PHF2: variants seen among roughly 807,000 people sequenced by gnomAD.
PHF2 encodes the protein lysine-specific demethylase PHF2.
A neutral mutation model predicts 120.5 loss-of-function variants in PHF2; 27 were observed. The observed-to-expected ratio is 0.22, with a 90% CI of 0.17 to 0.31. The LOEUF (loss-of-function observed/expected upper bound fraction) is 0.31. Ranked by LOEUF, PHF2 falls within the 10% of genes least tolerant of loss-of-function variation. The pLI is 1.00. For synonymous variants in PHF2, 568 were observed against 592.5 expected (o/e 0.96, Z 0.60); for missense variants, 1,024 against 1,434.8 (o/e 0.71, Z 4.63).
Position 93,673,737 on chromosome 9 carries a change from G to A in PHF2, c.2501G>A (p.Gly834Glu). Residue 834 changes from glycine (G) to glutamate (E), a missense_variant, in exon 18 of 22, where the codon GGG becomes GAG. Coordinates refer to ENST00000359246, the MANE Select transcript of PHF2 (RefSeq NM_005392.4). ...SLAAHGARKN[G>E]GGSGKSAGKR... ...GCTGCCCATGGTGCCCGGAAGAATG[G>A]GGGTGGCAGTGGCAAGAGTGCAGGC... is the stretch of plus-strand genomic sequence containing the variant. 1.9e-6 allele frequency: 3 copies of A among 1,613,420 alleles called. No individual in the cohort carries two copies. Among genetic ancestry groups the A allele is most frequent in the Non-Finnish European group, 2.5e-6 (3 of 1,179,786 alleles).
chr9:93,673,901 G>A (rs1826857246), intron 18 of PHF2, 39 bp downstream of exon 18: 1 of 1,517,500 alleles, frequency 6.6e-7, no homozygotes, highest in African/African-American at 1.4e-5. Flanking sequence ...CCCATGCTCA[G>A]CCCTAGAAGG....
chr9:93,585,980 G>A (rs1269310080), intron 1 of PHF2, among the ~76,000 whole-genome samples: 1 of 152,246 alleles, frequency 6.6e-6, no homozygotes, highest in Non-Finnish European at 1.5e-5. Context: ...TTTTGCTGGA[G>A]CAATGGTGCA....
Position 93,576,845 on chromosome 9 carries a change from C to A in PHF2, c.72C>A (p.Asp24Glu). The change falls in exon 1 of 22, where the codon GAC becomes GAA. Residue 24 changes from aspartate (D) to glutamate (E), a missense_variant. Physicochemically the swap from Asp to Glu is conservative, Grantham distance 45. This residue lies in a region of PHF2 where 347 missense variants were observed against 577.4 expected (regional missense o/e 0.60). Transcript: ENST00000359246. ...YDVTRFMIEC[D>E]ACKDWFHGSC... Reference sequence around the variant, plus strand: ...TTACCCGCTTCATGATCGAGTGCGACGCCTGCAAGGACTGGTTCCACGGCA... The same window carrying A: ...TTACCCGCTTCATGATCGAGTGCGAAGCCTGCAAGGACTGGTTCCACGGCA... 7.8e-7 allele frequency: 1 copy of A among 1,284,290 alleles called. No homozygotes were observed. Among genetic ancestry groups the A allele is most frequent in the Admixed American group, 2.3e-5 (1 of 44,182 alleles). The allele number at this position is 1,284,290 out of a possible 1,614,324, so 79.6% of individuals were successfully genotyped here. A position where few individuals can be genotyped will look rare whatever the true frequency, so the allele number is the denominator to read the frequency against.
intron 6 of PHF2, among the ~76,000 whole-genome samples, chr9:93,653,864 G>A (rs1480247592): frequency 6.6e-6 from 1 of 152,154 alleles, no homozygotes; most frequent in East Asian, 1.9e-4. Flanking sequence ...TGCTAACTGA[G>A]CTTCTTCAGA....
intron 1 of PHF2, among the ~76,000 whole-genome samples, chr9:93,605,094 C>T (rs1041528184): frequency 3.9e-5 from 6 of 152,218 alleles, no homozygotes; most frequent in African/African-American, 1.4e-4. Context: ...TCCCCGATTT[C>T]CCCATTCATA....
At chr9:93,650,605 G>T (rs542631037) in intron 5 of PHF2, among the ~76,000 whole-genome samples, 72 of 152,156 alleles carry the variant, frequency 4.7e-4, no homozygotes, top group Admixed American at 2.7e-3. Flanking sequence ...CTCTGTCAGG[G>T]CTGACCTACA....
intron 1 of PHF2, among the ~76,000 whole-genome samples, chr9:93,599,421 G>A (rs574589546): frequency 3.5e-4 from 53 of 152,312 alleles, no homozygotes; most frequent in Non-Finnish European, 1.0e-4. Flanking sequence ...CAAGAAGTGG[G>A]ACCCCATTGG....
intron 1 of PHF2, among the ~76,000 whole-genome samples, chr9:93,603,634 A>G (rs1825485859): frequency 6.6e-6 from 1 of 152,174 alleles, no homozygotes; most frequent in South Asian, 2.1e-4. Flanking sequence ...CTGCAGATTC[A>G]AGGGGGATCT....
chr9:93,612,275 G>A (rs534790682), intron 1 of PHF2, among the ~76,000 whole-genome samples: 1 of 152,314 alleles, frequency 6.6e-6, no homozygotes, highest in Admixed American at 6.5e-5. Context: ...TGTAACAGGT[G>A]TCTGTGTCTA....
At chr9:93,614,116 T>G (rs2250344) in intron 1 of PHF2, among the ~76,000 whole-genome samples, 1 of 152,118 alleles carries the variant, frequency 6.6e-6, no homozygotes, top group African/African-American at 2.4e-5. Context: ...CCCTCTACCT[T>G]AGACCATGGC....
intron 12 of PHF2, among the ~76,000 whole-genome samples, chr9:93,662,421 GA>G (rs915299729): frequency 6.6e-6 from 1 of 151,606 alleles, no homozygotes; most frequent in African/African-American, 2.4e-5. Context: ...AAGGATAGAT[GA>G]AAAAATGGAT....
In PHF2 at chr9:93,589,977, C is replaced by A. The variant is rs147383517; in HGVS notation, c.98+13106C>A. Among the ~76,000 whole-genome samples the A allele has an allele frequency of 3.5e-3, 532 of 152,346 alleles. 2 individuals are homozygous for A. Among genetic ancestry groups the A allele is most frequent in the Non-Finnish European group, 4.8e-3 (325 of 68,028 alleles). On this transcript the variant is annotated intron_variant, in intron 1 of 21. Coordinates refer to ENST00000359246, the MANE Select transcript of PHF2 (RefSeq NM_005392.4). ...TGCTTCCCCTGGTTGGCATGTAGCTCATTTCTCATCCGAGGCCACTGCGGT... is the reference window on the plus strand; with the variant it reads ...TGCTTCCCCTGGTTGGCATGTAGCTAATTTCTCATCCGAGGCCACTGCGGT...
In PHF2 at chr9:93,656,455, A is replaced by G. The variant is rs143194843; in HGVS notation, c.1041-34A>G. ...GCCCAGCGTCGCCTGCTTGATGGTC[A>G]GTGCACTGAGAACTGCTCTTTGGTG... On this transcript the variant is annotated intron_variant, in intron 8 of 21. Transcript: ENST00000359246. This position sits in a 1 kb window ranked among gnomAD's most constrained non-coding sequence, Gnocchi z 4.1. 1.9e-3 allele frequency: 2,645 copies of G among 1,428,388 alleles called. 15 individuals carry two copies. Among genetic ancestry groups the G allele is most frequent in the Middle Eastern group, 1.0e-2 (57 of 5,708 alleles). The allele number at this position is 1,428,388 out of a possible 1,614,324, so 88.5% of individuals were successfully genotyped here.
chr9:93,677,327 A>G lies in PHF2; in HGVS notation c.3203-261A>G, dbSNP rs1433754137. On this transcript the variant is annotated intron_variant, in intron 21 of 21. Coordinates refer to ENST00000359246, the MANE Select transcript of PHF2 (RefSeq NM_005392.4). The surrounding 1 kb of genome is among the most constrained non-coding windows in gnomAD (Gnocchi z 4.4). Reference sequence around the variant, plus strand: ...GCCCAGGCATCCTCATGTCCTCCTCATAATGCCATCCCCAAGCCCATGTCC... The same window carrying G: ...GCCCAGGCATCCTCATGTCCTCCTCGTAATGCCATCCCCAAGCCCATGTCC... Among the ~76,000 whole-genome samples, 1 of 151,384 alleles carries G rather than the reference A, an allele frequency of 6.6e-6. No homozygotes were observed. The highest frequency in any genetic ancestry group is 2.0e-4 in the East Asian group (1 of 5,060).
Position 93,676,821 on chromosome 9 carries a change from C to T in PHF2, c.3060C>T (p.Ser1020=). 6.4e-7 allele frequency: 1 copy of T among 1,556,456 alleles called. No individual in the cohort carries two copies. The highest frequency in any genetic ancestry group is 8.7e-7 in the Non-Finnish European group (1 of 1,149,730). Residue 1020 remains serine, a synonymous_variant, in exon 21 of 22, where the codon AGC becomes AGT. Transcript: ENST00000359246. ...CCCCGCCTGAGTCGCATAGCAGCAG[C>T]CTGGCGGACCATGAGTACACAGCCG... is the stretch of plus-strand genomic sequence containing the variant. The part of the protein sequence containing the change: ...PEPPPESHSS[S]LADHEYTAAG...
chr9:93,663,343 T>A (rs1306577747), intron 13 of PHF2, among the ~76,000 whole-genome samples, 174 bp from the exon 14 acceptor site: 1 of 152,024 alleles, frequency 6.6e-6, no homozygotes, highest in African/African-American at 2.4e-5. Flanking sequence ...AGGCACTGAG[T>A]CCATGGGGTG....
chr9:93,633,731 GGGGCCCC>G (rs1826045398), intron 2 of PHF2, among the ~76,000 whole-genome samples: 1 of 152,152 alleles, frequency 6.6e-6, no homozygotes, highest in African/African-American at 2.4e-5. Flanking sequence ...GGTGTAGCCG[GGGGCCCC>G]TGGCCTCAGT....
At chr9:93,615,550 GAGA>G (rs1430258003) in intron 1 of PHF2, among the ~76,000 whole-genome samples, 5 of 152,318 alleles carry the variant, frequency 3.3e-5, no homozygotes, top group African/African-American at 1.2e-4. Context: ...CCACTCTGCA[GAGA>G]AGGAGTCTGA....
At chr9:93,592,886 C>T (rs1037303932) in intron 1 of PHF2, among the ~76,000 whole-genome samples, 1 of 151,982 alleles carries the variant, frequency 6.6e-6, no homozygotes, top group African/African-American at 2.4e-5. Context: ...CTGGTACCAT[C>T]CCAGCCTCAT....
Sources: gnomAD v4.1 joint callset for allele counts (sites outside exome capture counted in the v4.1 genomes callset) on GRCh38, gnomAD v4.1.1 for gene constraint, gnomAD v4.1.1 regional missense constraint, Gnocchi (gnomAD v3.1) non-coding constraint, MANE v1.5 for transcripts, NCBI Gene and HGNC (gene_info 2026-07-23, HGNC 2026-07-21) for gene names.